The following MYH10 variants were observed in gnomAD, a reference collection of about 807,000 sequenced individuals.
MYH10 encodes the protein myosin heavy chain 10, also known as myosin-10.
MYH10 carries 55 observed loss-of-function variants against 257.8 expected under a neutral mutation model. That is an observed-to-expected ratio of 0.21 (90% CI 0.17 to 0.27). MYH10 has a LOEUF of 0.27. MYH10 is among the 10% of genes least tolerant of loss of function. MYH10 has a pLI of 1.00. For synonymous variants in MYH10, 854 were observed against 921.7 expected, an observed-to-expected ratio of 0.93 and a Z score of 1.33; for missense variants, 1,631 against 2,500.6, an observed-to-expected ratio of 0.65 and a Z score of 7.42.
chr17:8,583,235 G>A (rs939981543), intron 4 of MYH10, among the ~76,000 whole-genome samples: 1 of 152,084 alleles, frequency 6.6e-6, no homozygotes, highest in African/African-American at 2.4e-5. Context: ...TATTTGCCTA[G>A]AACATTTTAC....
intron 16 of MYH10, among the ~76,000 whole-genome samples, chr17:8,534,303 C>T (rs574543008): frequency 6.6e-6 from 1 of 152,206 alleles, no homozygotes; most frequent in Non-Finnish European, 1.5e-5. Context: ...TCGTCTTTCC[C>T]CCAGGTCCCT....
intron 6 of MYH10, among the ~76,000 whole-genome samples, chr17:8,576,330 TAAGTATTA>T (rs1356582330): frequency 6.6e-6 from 1 of 152,168 alleles, no homozygotes; most frequent in African/African-American, 2.4e-5. Flanking sequence ...ATGTGTCTGA[TAAGTATTA>T]AAATAATTCC....
chr17:8,625,275 A>G (rs1222605168), intron 1 of MYH10, among the ~76,000 whole-genome samples: 1 of 152,196 alleles, frequency 6.6e-6, no homozygotes, highest in Non-Finnish European at 1.5e-5. Context: ...ATAAATTTAA[A>G]AAAATAATTT....
chr17:8,614,365 G>C (rs1300004180), intron 2 of MYH10, among the ~76,000 whole-genome samples: 12 of 131,458 alleles, frequency 9.1e-5, no homozygotes, highest in Non-Finnish European at 1.1e-4. Flanking sequence ...GTTCAAGCTG[G>C]AGTGGTGCAG....
In MYH10 at chr17:8,499,354, G is replaced by A. The variant is rs373423150; in HGVS notation, c.3867C>T (p.Asp1289=). 1.1e-5 allele frequency: 17 copies of A among 1,614,024 alleles called. No homozygotes were observed. The highest frequency in any genetic ancestry group is 6.7e-5 in the East Asian group (3 of 44,880). Reference sequence around the variant, plus strand: ...TGGCATGGAGCTCCTGGACCTGCGCGTCGAGCTTCTTCCTCTTGTGCTCAG... The same window carrying A: ...TGGCATGGAGCTCCTGGACCTGCGCATCGAGCTTCTTCCTCTTGTGCTCAG... ...AESEHKRKKL[D]AQVQELHAKV... Residue 1289 remains aspartate, a synonymous_variant, in exon 30 of 43, where the codon GAC becomes GAT. Transcript: ENST00000360416.
chr17:8,608,541 G>A (rs557337947), intron 2 of MYH10, among the ~76,000 whole-genome samples: 1 of 152,172 alleles, frequency 6.6e-6, no homozygotes, highest in Admixed American at 6.5e-5. Flanking sequence ...TGGTATGGTG[G>A]GTGAGCCAAG....
At chr17:8,553,313 A>C (rs1028554706) in intron 8 of MYH10, among the ~76,000 whole-genome samples, 3 of 152,184 alleles carry the variant, frequency 2.0e-5, no homozygotes, top group African/African-American at 7.2e-5. Context: ...GATAGAAATA[A>C]TGTATTTCTA....
At chr17:8,518,096 C>T (rs1194592357) in intron 21 of MYH10, among the ~76,000 whole-genome samples, 1 of 132,706 alleles carries the variant, frequency 7.5e-6, no homozygotes, top group African/African-American at 2.8e-5. Context: ...CCCCATACCC[C>T]TTGGCCCCGT....
chr17:8,560,677 TCA>T, intron 7 of MYH10: 1 of 724,112 alleles, frequency 1.4e-6, no homozygotes. Flanking sequence ...AGTGCTGACT[TCA>T]CACACCATAA....
chr17:8,610,098 A>C (rs1164777211), intron 2 of MYH10, among the ~76,000 whole-genome samples: 1 of 151,864 alleles, frequency 6.6e-6, no homozygotes, highest in Admixed American at 6.6e-5. Flanking sequence ...GCCACTCCTC[A>C]TGCACAAACC....
Position 8,480,136 on chromosome 17 carries a change from C to T in MYH10, c.5571G>A (p.Leu1857=). The change falls in exon 40 of 43, where the codon CTG becomes CTA. Residue 1857 remains leucine, a synonymous_variant. Transcript: ENST00000360416. ...ISALEAKIGQ[L]EEQLEQEAKE... is the part of the protein sequence containing the mutation. ...TGGCTTCCTGCTCAAGCTGCTCCTC[C>T]AGCTGCCCAATCTTGGCCTCCAGGG... 3 of 1,614,198 alleles carry T rather than the reference C, an allele frequency of 1.9e-6. No individual in the cohort carries two copies. The highest frequency in any genetic ancestry group is 2.5e-6 in the Non-Finnish European group (3 of 1,180,026).
chr17:8,586,043 C>T (rs2083905277), intron 4 of MYH10, among the ~76,000 whole-genome samples: 2 of 152,078 alleles, frequency 1.3e-5, no homozygotes, highest in South Asian at 4.2e-4. Context: ...TTAGCAGGAC[C>T]CCCCAGTATA....
intron 4 of MYH10, among the ~76,000 whole-genome samples, chr17:8,580,236 CCTT>C (rs1473326113): frequency 2.0e-5 from 3 of 152,100 alleles, no homozygotes; most frequent in Admixed American, 1.3e-4. Flanking sequence ...CCACCATCAT[CCTT>C]CTTTTTGAAA....
intron 4 of MYH10, among the ~76,000 whole-genome samples, chr17:8,581,605 T>C (rs1396903481): frequency 1.3e-5 from 2 of 152,338 alleles, no homozygotes; most frequent in South Asian, 2.1e-4. Context: ...CAAAGATAGA[T>C]ACATTCAAAA....
At position 8,604,965 on chromosome 17, in the gene MYH10, G is replaced by A; in HGVS notation, c.363C>T (p.Phe121=). 6.6e-7 allele frequency: 1 copy of A among 1,512,984 alleles called. No homozygotes were observed. Among genetic ancestry groups the A allele is most frequent in the Non-Finnish European group, 9.0e-7 (1 of 1,106,700 alleles). The allele number at this position is 1,512,984 out of a possible 1,614,324, so 93.7% of individuals were successfully genotyped here. Residue 121 remains phenylalanine, a synonymous_variant, in exon 3 of 43, where the codon TTC becomes TTT. Coordinates refer to ENST00000360416, the MANE Select transcript of MYH10 (RefSeq NM_001256012.3). The part of the protein sequence containing the change: ...SGLIYTYSGL[F]CVVINPYKNL... ...TCTTGTAAGGGTTTATAACTACACA[G>A]AAGAGTCCAGAATAAGTCTAGAATA...
intron 8 of MYH10, 58 bp downstream of exon 8, chr17:8,553,897 G>T: frequency 1.4e-6 from 2 of 1,414,600 alleles, no homozygotes; most frequent in Non-Finnish European, 2.0e-6. Flanking sequence ...TTGCCATGGG[G>T]TTGTAGGAAG....
At chr17:8,489,462 G>C (rs1219927294) in intron 35 of MYH10, among the ~76,000 whole-genome samples, 1 of 152,214 alleles carries the variant, frequency 6.6e-6, no homozygotes, top group Non-Finnish European at 1.5e-5. Flanking sequence ...CCAGCACTTT[G>C]GGAGGCCAAG....
chr17:8,508,271 T>C (rs1411108820), intron 26 of MYH10, among the ~76,000 whole-genome samples: 1 of 151,954 alleles, frequency 6.6e-6, no homozygotes, highest in African/African-American at 2.4e-5. Context: ...CCAGGCTAAT[T>C]TGTAAATTTT....
chr17:8,514,373 C>CGCAATGGA (rs1473483931), intron 21 of MYH10, among the ~76,000 whole-genome samples: 2 of 152,220 alleles, frequency 1.3e-5, no homozygotes, highest in East Asian at 3.9e-4. Flanking sequence ...TCCACTTTGC[C>CGCAATGGA]GCAATGGAGC....
Sources: allele counts gnomAD v4.1 joint callset (sites outside exome capture counted in the v4.1 genomes callset), GRCh38; gene constraint gnomAD v4.1.1; transcripts MANE v1.5; gene names NCBI Gene and HGNC (gene_info 2026-07-23, HGNC 2026-07-21).